The following ANXA8 variants were observed in gnomAD, a reference collection of about 807,000 sequenced individuals.
ANXA8 encodes the protein annexin A8.
ANXA8 carries 9 observed loss-of-function variants against 26.8 expected under a neutral mutation model. The ratio of observed to expected loss-of-function variants is 0.34; its 90% CI spans 0.20 to 0.59. The LOEUF is 0.59. Among genes scored for constraint, ANXA8 ranks in the 20% least tolerant of loss-of-function variants. The probability of loss-of-function intolerance (pLI) is 0.84; values close to 1 mark genes in which losing one functional copy is unlikely to be tolerated. For synonymous variants in ANXA8, 39 were observed against 94.8 expected, an observed-to-expected ratio of 0.41 and a Z score of 3.42; for missense variants, 83 against 238.5, an observed-to-expected ratio of 0.35 and a Z score of 4.29.
the ANXA8 span, among the ~76,000 whole-genome samples, chr10:47,650,019 C>T: frequency 6.7e-6 from 1 of 150,342 alleles, no homozygotes; most frequent in East Asian, 2.0e-4. Flanking sequence ...ACCAGTCTGG[C>T]CAACATGGTG....
At chr10:47,571,200 T>C in the ANXA8 span, among the ~76,000 whole-genome samples, 4 of 138,892 alleles carry the variant, frequency 2.9e-5, no homozygotes, top group African/African-American at 8.4e-5. Flanking sequence ...ATCTGCAATA[T>C]CTCCAGCTAA....
At chr10:47,515,496 T>TA in the ANXA8 span, among the ~76,000 whole-genome samples, 37 of 35,490 alleles carry the variant, frequency 1.0e-3, no homozygotes, top group African/African-American at 2.4e-3. Flanking sequence ...GGGTAAAATG[T>TA]AAAAAAAAAA....
the ANXA8 span, among the ~76,000 whole-genome samples, chr10:47,952,129 T>C: frequency 6.6e-5 from 10 of 151,016 alleles, no homozygotes; most frequent in African/African-American, 2.5e-4. Context: ...TTCATCAACC[T>C]GAAAAAATGC....
At chr10:47,772,222 C>T in the ANXA8 span, among the ~76,000 whole-genome samples, 3 of 151,762 alleles carry the variant, frequency 2.0e-5, no homozygotes, top group Non-Finnish European at 4.4e-5. Flanking sequence ...TCAGATTTGA[C>T]TTGGCAGCTC....
chr10:47,749,359 G>T, the ANXA8 span, among the ~76,000 whole-genome samples: 3 of 151,194 alleles, frequency 2.0e-5, no homozygotes, highest in African/African-American at 7.3e-5. Flanking sequence ...TAGAATCACA[G>T]AAATGCAGGA....
the ANXA8 span, among the ~76,000 whole-genome samples, chr10:47,497,376 G>T: frequency 2.1e-5 from 3 of 143,774 alleles, no homozygotes; most frequent in South Asian, 6.7e-4. Context: ...AGCACTTTGG[G>T]AGGCCAAGGT....
At chr10:47,650,528 C>A in the ANXA8 span, among the ~76,000 whole-genome samples, 1 of 151,260 alleles carries the variant, frequency 6.6e-6, no homozygotes, top group African/African-American at 2.4e-5. Flanking sequence ...ATGGGCAGGC[C>A]AGGTGTGGTG....
At chr10:47,741,792 G>A in the ANXA8 span, among the ~76,000 whole-genome samples, 2 of 151,522 alleles carry the variant, frequency 1.3e-5, no homozygotes, top group Non-Finnish European at 2.9e-5. Flanking sequence ...AATCATATAT[G>A]TGAATTATAT....
upstream of ANXA8, chr10:47,484,312 G>A (rs1488046094): frequency 9.4e-5 from 60 of 637,536 alleles, no homozygotes; most frequent in African/African-American, 8.1e-4. Flanking sequence ...TCAAACTCCC[G>A]ACCTCAGGTG....
At chr10:47,503,237 T>C in the ANXA8 span, 3 of 1,544,770 alleles carry the variant, frequency 1.9e-6, 1 homozygote, top group African/African-American at 4.3e-5. Context: ...TTCCATGTCT[T>C]CAGCCATTTT....
chr10:47,536,815 A>G, the ANXA8 span, among the ~76,000 whole-genome samples: 2 of 125,712 alleles, frequency 1.6e-5, 1 homozygote, highest in African/African-American at 7.7e-5. Context: ...AACACAACAA[A>G]TATTTGATTA....
At chr10:47,677,348 A>G in the ANXA8 span, among the ~76,000 whole-genome samples, 1 of 152,134 alleles carries the variant, frequency 6.6e-6, no homozygotes, top group Non-Finnish European at 1.5e-5. Flanking sequence ...TCTGCCCAAG[A>G]GGGATTAACC....
the ANXA8 span, among the ~76,000 whole-genome samples, chr10:47,616,257 T>C: frequency 4.3e-4 from 31 of 72,194 alleles, no homozygotes; most frequent in Non-Finnish European, 9.3e-4. Flanking sequence ...TTTAATAATC[T>C]GATCTTTTTC....
chr10:47,593,260 G>A, the ANXA8 span, among the ~76,000 whole-genome samples: 2 of 149,406 alleles, frequency 1.3e-5, no homozygotes, highest in Non-Finnish European at 2.9e-5. Context: ...ATCCCTAAGG[G>A]AAGGGGGAGT....
the ANXA8 span, among the ~76,000 whole-genome samples, chr10:47,743,382 G>A: frequency 0.2 from 10,174 of 49,820 alleles, 145 homozygotes; most frequent in African/African-American, 0.23. Flanking sequence ...ATATATATGT[G>A]TGTGTGTGTG....
At chr10:47,748,453 T>C in the ANXA8 span, among the ~76,000 whole-genome samples, 9 of 152,102 alleles carry the variant, frequency 5.9e-5, no homozygotes, top group South Asian at 8.3e-4. Flanking sequence ...CCTCAGGTGA[T>C]CCACTGGCCT....
chr10:47,672,462 T>G, the ANXA8 span, among the ~76,000 whole-genome samples: 2 of 151,666 alleles, frequency 1.3e-5, no homozygotes, highest in Non-Finnish European at 2.9e-5. Context: ...CAACAATAAC[T>G]TTCTGTTTAG....
upstream of ANXA8, among the ~76,000 whole-genome samples, chr10:47,485,412 G>A (rs1384181090): frequency 6.6e-6 from 1 of 151,826 alleles, no homozygotes; most frequent in African/African-American, 2.4e-5. Flanking sequence ...AGGAGAATTT[G>A]AAAGTCATCA....
chr10:47,674,091 G>T, the ANXA8 span, among the ~76,000 whole-genome samples: 1 of 151,418 alleles, frequency 6.6e-6, no homozygotes, highest in South Asian at 2.1e-4. Context: ...TTACAGTGAG[G>T]TTTTGTATTT....
Sources: gnomAD v4.1 joint callset for allele counts (sites outside exome capture counted in the v4.1 genomes callset) on GRCh38, gnomAD v4.1.1 for gene constraint, MANE v1.5 for transcripts, NCBI Gene and HGNC (gene_info 2026-07-23, HGNC 2026-07-21) for gene names.